The following TMEM74 variants were observed in gnomAD, a reference collection of about 807,000 sequenced individuals.
The protein encoded by TMEM74 is transmembrane protein 74.
A neutral mutation model predicts 18.1 loss-of-function variants in TMEM74; 13 were observed. That is an observed-to-expected ratio of 0.72 (90% confidence interval 0.47 to 1.14). The LOEUF (loss-of-function observed/expected upper bound fraction) is 1.14. Ranked by LOEUF, TMEM74 falls within the 50% of genes most tolerant of loss-of-function variation. The probability of loss-of-function intolerance (pLI) is 0.00; values close to 1 mark genes in which losing one functional copy is unlikely to be tolerated. For missense variants in TMEM74, 372 were observed against 375.9 expected (o/e 0.99, Z 0.09); for synonymous variants, 159 against 146.6 (o/e 1.08, Z -0.61).
At chr8:108,657,680 T>C (rs768915097) in intron 1 of TMEM74, among the ~76,000 whole-genome samples, 3 of 150,410 alleles carry the variant, frequency 2.0e-5, no homozygotes, top group Non-Finnish European at 4.4e-5. Flanking sequence ...CCATCTGTAC[T>C]AAAAATACAA....
In TMEM74 at chr8:108,726,338, C is replaced by T. The variant is rs1249694182; in HGVS notation, n.119+61138G>A. ...ATGAGTTTATGTGTCACTTGGAAAG[C>T]ACATGACCTCTTTTAAAGTATAGTA... On this transcript the variant is annotated intron_variant and non_coding_transcript_variant, in intron 1 of 3. Transcript: ENST00000518838. Among the ~76,000 whole-genome samples the T allele has an allele frequency of 2.0e-5, 3 of 152,144 alleles. No homozygotes were observed. In the East Asian group the frequency reaches 5.8e-4, roughly 29 times the overall value.
intron 1 of TMEM74, among the ~76,000 whole-genome samples, chr8:108,764,285 A>G (rs951977391): frequency 3.9e-5 from 6 of 152,194 alleles, no homozygotes; most frequent in African/African-American, 1.4e-4. Context: ...CTTTGATAGA[A>G]TTTCAACAGG....
intron 2 of TMEM74, among the ~76,000 whole-genome samples, chr8:108,611,847 A>C (rs1233355869): frequency 6.6e-6 from 1 of 152,216 alleles, no homozygotes; most frequent in Non-Finnish European, 1.5e-5. Context: ...GCTATGAAGA[A>C]ATACCAACGA....
Position 108,783,939 on chromosome 8 carries a change from C to T in TMEM74, c.*242G>A, listed in dbSNP as rs1814341222. ...TCGAAGTAGAAGTTCTTGGCCATTA[C>T]AGATTAATTAGCCTTCAGCTCTTCA... On this transcript the variant is annotated 3_prime_UTR_variant, in exon 2 of 2. Coordinates refer to ENST00000297459, the MANE Select transcript of TMEM74 (RefSeq NM_153015.3). The T allele has an allele frequency of 5.9e-6, 2 of 341,288 alleles. No individual in the cohort carries two copies. The highest frequency in any genetic ancestry group is 1.1e-5 in the Non-Finnish European group (2 of 190,370). The allele number at this position is 341,288 out of a possible 1,614,324, so 21.1% of individuals were successfully genotyped here.
intron 2 of TMEM74, among the ~76,000 whole-genome samples, chr8:108,618,820 A>G (rs1586235763): frequency 1.3e-5 from 2 of 152,298 alleles, no homozygotes; most frequent in South Asian, 2.1e-4. Context: ...AAATGGCTTA[A>G]TGGGACAAAA....
intron 2 of TMEM74, among the ~76,000 whole-genome samples, chr8:108,632,612 T>C (rs1812565975): frequency 6.6e-6 from 1 of 151,914 alleles, no homozygotes; most frequent in Non-Finnish European, 1.5e-5. Flanking sequence ...AAGTAGAAAA[T>C]GAACAAATTT....
intron 1 of TMEM74, among the ~76,000 whole-genome samples, chr8:108,679,825 G>A (rs577105733): frequency 1.3e-5 from 2 of 152,226 alleles, no homozygotes; most frequent in South Asian, 4.2e-4. Context: ...CCTTGCCCAT[G>A]CCTATGTCCT....
chr8:108,695,667 C>A (rs1020711834), intron 1 of TMEM74, among the ~76,000 whole-genome samples: 6 of 152,148 alleles, frequency 3.9e-5, no homozygotes, highest in African/African-American at 9.7e-5. Context: ...GCACACTACA[C>A]CCCACCTTGA....
rs368289414 is a variant in TMEM74, at chr8:108,728,010, C to T, written n.119+59466G>A. Reference sequence around the variant, plus strand: ...AGATTAAACACTGGAGTTAGCAATGCAGAGTCACTAGGAACCTAGATGAGT... The same window carrying T: ...AGATTAAACACTGGAGTTAGCAATGTAGAGTCACTAGGAACCTAGATGAGT... On this transcript the variant is annotated intron_variant and non_coding_transcript_variant, in intron 1 of 3. Transcript: ENST00000518838. 5.3e-5 allele frequency among the ~76,000 whole-genome samples: 8 copies of T among 152,272 alleles called. No homozygotes were observed. The South Asian group carries it at 1.7e-3, about 32-fold the overall frequency.
At chr8:108,679,051 T>C (rs546315008) in intron 1 of TMEM74, among the ~76,000 whole-genome samples, 22 of 152,146 alleles carry the variant, frequency 1.4e-4, no homozygotes, top group African/African-American at 5.3e-4. Context: ...TCCAGTTTCA[T>C]CCATGTCCCT....
rs146040879 is a variant in TMEM74 at position 108,633,580 on chromosome 8, G to A, written n.264+21713C>T. Among the ~76,000 whole-genome samples the A allele has an allele frequency of 5.9e-5, 9 of 152,120 alleles. No individual in the cohort carries two copies. In the East Asian group the frequency reaches 1.7e-3, roughly 30 times the overall value. On this transcript the variant is annotated intron_variant and non_coding_transcript_variant, in intron 2 of 3. Transcript: ENST00000518838. ...TTGAGACTCTGAGATATTGGATAAG[G>A]TTCTCAACACCATATAAGCAGTGAG... is the stretch of plus-strand genomic sequence containing the variant.
chr8:108,649,982 A>C (rs1228181137), intron 2 of TMEM74, among the ~76,000 whole-genome samples: 1 of 152,204 alleles, frequency 6.6e-6, no homozygotes, highest in Non-Finnish European at 1.5e-5. Context: ...AACTTCCCAC[A>C]GTAGTATCCA....
chr8:108,642,407 A>G (rs898538387), intron 2 of TMEM74, among the ~76,000 whole-genome samples: 7 of 151,508 alleles, frequency 4.6e-5, no homozygotes, highest in Admixed American at 2.0e-4. Context: ...AAAAAAAAAA[A>G]AGAGAGAAAA....
rs556752359 is a variant in TMEM74 at position 108,659,499 on chromosome 8, C to T, written n.120-4062G>A. ...GGCTTCCAGTCTTGGTCCTTTTCTG[C>T]CATTTTTACATGCCTGGGTGAGCTT... On this transcript the variant is annotated intron_variant and non_coding_transcript_variant, in intron 1 of 3. Coordinates refer to the TMEM74 transcript ENST00000518838. Among the ~76,000 whole-genome samples, 17 of 152,238 alleles carry T rather than the reference C, an allele frequency of 1.1e-4. No homozygotes were observed. The South Asian group carries it at 3.5e-3, about 32-fold the overall frequency.
rs1173253676 is a variant in TMEM74, at chr8:108,782,198, T to C, written c.*1983A>G. Reference sequence around the variant, plus strand: ...TCCTTAAGCAGGCTAGAGCTGGACTTAGAAACCTTCAGAATATAAAACTTA... The same window carrying C: ...TCCTTAAGCAGGCTAGAGCTGGACTCAGAAACCTTCAGAATATAAAACTTA... On this transcript the variant is annotated 3_prime_UTR_variant, in exon 2 of 2. Coordinates refer to ENST00000297459, the MANE Select transcript of TMEM74 (RefSeq NM_153015.3). 6.6e-6 allele frequency among the ~76,000 whole-genome samples: 1 copy of C among 152,154 alleles called. No homozygotes were observed. Among genetic ancestry groups the C allele is most frequent in the Non-Finnish European group, 1.5e-5 (1 of 68,032 alleles).
chr8:108,690,468 C>T lies in TMEM74; in HGVS notation n.120-35031G>A, dbSNP rs566971703. Among the ~76,000 whole-genome samples, 90 of 151,574 alleles carry T rather than the reference C, an allele frequency of 5.9e-4. 1 individual carries two copies. The highest frequency in any genetic ancestry group is 2.2e-3 in the African/African-American group (89 of 41,152). ...TAGTCATTGGCAACAGAAGCTCTGG[C>T]AAGGCAGGTTTTTTGTTTTTTTTTC... On this transcript the variant is annotated intron_variant and non_coding_transcript_variant, in intron 1 of 3. Transcript: ENST00000518838.
chr8:108,695,751 A>G (rs1813275595), intron 1 of TMEM74, among the ~76,000 whole-genome samples: 1 of 152,134 alleles, frequency 6.6e-6, no homozygotes, highest in African/African-American at 2.4e-5. Context: ...TAAGGAACTA[A>G]AAAAAGGGGG....
At chr8:108,770,767 G>A (rs903112598) in intron 1 of TMEM74, among the ~76,000 whole-genome samples, 2 of 152,068 alleles carry the variant, frequency 1.3e-5, no homozygotes, top group African/African-American at 4.8e-5. Flanking sequence ...CATTTTTGTG[G>A]CTCCTTTAAA....
intron 2 of TMEM74, among the ~76,000 whole-genome samples, chr8:108,619,847 A>G (rs939649441): frequency 6.6e-5 from 10 of 152,208 alleles, no homozygotes; most frequent in African/African-American, 2.4e-4. Context: ...TCGAAGATTC[A>G]TATAATGTAT....
Sources: allele counts gnomAD v4.1 joint callset (sites outside exome capture counted in the v4.1 genomes callset), GRCh38; gene constraint gnomAD v4.1.1; transcripts MANE v1.5; gene names NCBI Gene and HGNC (gene_info 2026-07-23, HGNC 2026-07-21).